ADAMTS12: variants seen among roughly 807,000 people sequenced by gnomAD.
ADAMTS12 encodes A disintegrin and metalloproteinase with thrombospondin motifs 12.
In ADAMTS12, 118 loss-of-function variants were observed where a neutral mutation model predicts 167.8. The ratio of observed to expected loss-of-function variants is 0.70; its 90% CI spans 0.61 to 0.82. ADAMTS12 has a LOEUF of 0.82. ADAMTS12 is among the 40% of genes least tolerant of loss of function. ADAMTS12 has a pLI of 0.00. For synonymous variants in ADAMTS12, 704 were observed against 716.9 expected (o/e 0.98, Z 0.29); for missense variants, 1,916 against 1,998.8 (o/e 0.96, Z 0.79).
At chr5:33,768,431 C>A (rs73759095) in intron 2 of ADAMTS12, among the ~76,000 whole-genome samples, 4,554 of 152,158 alleles carry the variant, frequency 0.03, 194 homozygotes, top group East Asian at 0.14. Flanking sequence ...CCTTTTAAAT[C>A]ATAAGGAAAA....
intron 3 of ADAMTS12, among the ~76,000 whole-genome samples, chr5:33,698,149 G>A (rs1277803904): frequency 1.3e-5 from 2 of 152,186 alleles, no homozygotes; most frequent in Non-Finnish European, 2.9e-5. Flanking sequence ...ATTCAGAATA[G>A]CCTGGATAAT....
At chr5:33,666,726 C>T (rs1337561236) in intron 5 of ADAMTS12, among the ~76,000 whole-genome samples, 1 of 152,054 alleles carries the variant, frequency 6.6e-6, no homozygotes, top group Non-Finnish European at 1.5e-5. Flanking sequence ...CTCTTGACCT[C>T]GTGATCTGCC....
At chr5:33,809,820 A>G (rs1339867021) in intron 2 of ADAMTS12, among the ~76,000 whole-genome samples, 3 of 151,994 alleles carry the variant, frequency 2.0e-5, no homozygotes, top group Admixed American at 6.6e-5. Flanking sequence ...AAAGACGTGG[A>G]GCATGCTGGA....
At chr5:33,588,933 A>G in intron 17 of ADAMTS12, 124 bp from the exon 18 acceptor site, 2 of 1,179,258 alleles carry the variant, frequency 1.7e-6, no homozygotes, top group Non-Finnish European at 2.4e-6. Flanking sequence ...AGACACTCCA[A>G]CCCACTAGGG....
At chr5:33,877,637 CG>C in intron 2 of ADAMTS12, among the ~76,000 whole-genome samples, 1 of 152,154 alleles carries the variant, frequency 6.6e-6, no homozygotes, top group South Asian at 2.1e-4. Context: ...GTAGTGAAAA[CG>C]GTGGAGATGA....
At chr5:33,752,292 G>C (rs976742221) in intron 2 of ADAMTS12, among the ~76,000 whole-genome samples, 1 of 152,188 alleles carries the variant, frequency 6.6e-6, no homozygotes, top group Non-Finnish European at 1.5e-5. Flanking sequence ...TTAGAAAACT[G>C]CTTTGCCAAT....
chr5:33,867,420 A>C (rs1749863197), intron 2 of ADAMTS12, among the ~76,000 whole-genome samples: 1 of 152,178 alleles, frequency 6.6e-6, no homozygotes, highest in Non-Finnish European at 1.5e-5. Flanking sequence ...GGATAATCAA[A>C]GGCATATGGA....
chr5:33,865,316 T>G (rs1362513969), intron 2 of ADAMTS12, among the ~76,000 whole-genome samples: 2 of 151,930 alleles, frequency 1.3e-5, no homozygotes, highest in Admixed American at 6.6e-5. Flanking sequence ...GTAGGGACGA[T>G]GGAAGTCAAT....
Position 33,599,212 on chromosome 5 carries a change from G to T in ADAMTS12, c.2528-3152C>A, listed in dbSNP as rs78213074. Reference sequence around the variant, plus strand: ...CCACAGGATCTGTGGCATAATAAAGGGGTGGATGTTTTACTACACTAATTT... The same window carrying T: ...CCACAGGATCTGTGGCATAATAAAGTGGTGGATGTTTTACTACACTAATTT... On this transcript the variant is annotated intron_variant, in intron 16 of 23. Transcript: ENST00000504830. 3.8e-3 allele frequency among the ~76,000 whole-genome samples: 571 copies of T among 152,252 alleles called. 1 individual carries two copies. The highest frequency in any genetic ancestry group is 6.2e-3 in the Non-Finnish European group (422 of 68,010).
intron 18 of ADAMTS12, among the ~76,000 whole-genome samples, chr5:33,588,390 A>G (rs1747464294): frequency 1.3e-5 from 2 of 152,154 alleles, no homozygotes; most frequent in South Asian, 4.1e-4. Context: ...GTCAGATAGT[A>G]AGCTGACCAT....
At chr5:33,712,022 A>T (rs1743420350) in intron 3 of ADAMTS12, among the ~76,000 whole-genome samples, 1 of 152,146 alleles carries the variant, frequency 6.6e-6, no homozygotes, top group Non-Finnish European at 1.5e-5. Flanking sequence ...ACCATCTCTT[A>T]GTAACTCCTA....
intron 16 of ADAMTS12, among the ~76,000 whole-genome samples, chr5:33,613,273 G>T (rs1738822379): frequency 6.6e-6 from 1 of 152,232 alleles, no homozygotes; most frequent in Admixed American, 6.5e-5. Context: ...TTTGCATATG[G>T]CAATATTACT....
intron 18 of ADAMTS12, among the ~76,000 whole-genome samples, chr5:33,585,270 G>T (rs1330173812): frequency 6.6e-6 from 1 of 152,184 alleles, no homozygotes; most frequent in Non-Finnish European, 1.5e-5. Flanking sequence ...CCACTGGGCT[G>T]CCCTTATTGC....
chr5:33,544,328 A>T (rs1744854661), intron 22 of ADAMTS12, among the ~76,000 whole-genome samples: 2 of 152,220 alleles, frequency 1.3e-5, no homozygotes, highest in Non-Finnish European at 2.9e-5. Context: ...CTCTTCAAGG[A>T]GAACTACAAA....
At chr5:33,818,258 C>T (rs1186100991) in intron 2 of ADAMTS12, among the ~76,000 whole-genome samples, 11 of 152,022 alleles carry the variant, frequency 7.2e-5, no homozygotes, top group Admixed American at 5.9e-4. Context: ...CTTTGACCTA[C>T]AGGTCCATAT....
chr5:33,891,660 A>G, intron 1 of ADAMTS12, 70 bp downstream of exon 1: 1 of 1,603,466 alleles, frequency 6.2e-7, no homozygotes, highest in South Asian at 1.1e-5. Flanking sequence ...GGGAAGGGAA[A>G]GGGGAGCAAC....
At chr5:33,850,338 A>T (rs1446087417) in intron 2 of ADAMTS12, among the ~76,000 whole-genome samples, 6 of 152,224 alleles carry the variant, frequency 3.9e-5, no homozygotes, top group African/African-American at 1.4e-4. Context: ...GAAGCTGGCC[A>T]CGGCGACCTC....
intron 3 of ADAMTS12, among the ~76,000 whole-genome samples, chr5:33,702,788 T>G (rs937785840): frequency 2.6e-5 from 4 of 152,210 alleles, no homozygotes; most frequent in Admixed American, 6.5e-5. Context: ...CTTGATGGAT[T>G]CTACCTCTTG....
intron 2 of ADAMTS12, among the ~76,000 whole-genome samples, chr5:33,782,343 AATATTTG>A (rs1389058856): frequency 8.1e-4 from 123 of 152,272 alleles, no homozygotes; most frequent in Non-Finnish European, 1.1e-3. Flanking sequence ...CACATTAAAA[AATATTTG>A]GTTAGCACAA....
Sources: allele counts gnomAD v4.1 joint callset (sites outside exome capture counted in the v4.1 genomes callset), GRCh38; gene constraint gnomAD v4.1.1; transcripts MANE v1.5; gene names NCBI Gene and HGNC (gene_info 2026-07-23, HGNC 2026-07-21).